The following DNAH14 variants were observed in gnomAD, a reference collection of about 807,000 sequenced individuals.
DNAH14 encodes the protein axonemal beta dynein heavy chain 14.
Under a neutral mutation model 520.9 loss-of-function variants are expected in DNAH14, and 478 were observed. The ratio of observed to expected loss-of-function variants is 0.92; its 90% CI spans 0.85 to 0.99. The LOEUF (loss-of-function observed/expected upper bound fraction) is 0.99. DNAH14 is among the 50% of genes least tolerant of loss of function. DNAH14 has a pLI of 0.00. For synonymous variants in DNAH14, 1,581 were observed against 1,757.2 expected, an observed-to-expected ratio of 0.90 and a Z score of 2.51; for missense variants, 4,831 against 5,234.5, an observed-to-expected ratio of 0.92 and a Z score of 2.38.
At chr1:224,986,550 A>G (rs2062658285) in intron 8 of DNAH14, among the ~76,000 whole-genome samples, 2 of 152,220 alleles carry the variant, frequency 1.3e-5, no homozygotes, top group Non-Finnish European at 2.9e-5. Flanking sequence ...GTGAAACATT[A>G]TATCAACAGA....
chr1:224,934,637 T>C (rs905832433), intron 1 of DNAH14, among the ~76,000 whole-genome samples: 1 of 151,560 alleles, frequency 6.6e-6, no homozygotes, highest in Non-Finnish European at 1.5e-5. Context: ...AGATAAAAAC[T>C]TCCCAAGTCT....
intron 41 of DNAH14, among the ~76,000 whole-genome samples, chr1:225,209,997 G>A (rs765543808): frequency 2.6e-5 from 4 of 152,092 alleles, no homozygotes; most frequent in Non-Finnish European, 2.9e-5. Flanking sequence ...CATGGTCTTC[G>A]CAACCTGCAG....
At chr1:225,260,701 A>AT (rs2092907302) in intron 46 of DNAH14, among the ~76,000 whole-genome samples, 1 of 151,992 alleles carries the variant, frequency 6.6e-6, no homozygotes, top group South Asian at 2.1e-4. Context: ...TTTGGTAGAG[A>AT]TTGCATTGAA....
chr1:225,351,122 G>A (rs931103004), intron 71 of DNAH14, among the ~76,000 whole-genome samples: 1 of 152,176 alleles, frequency 6.6e-6, no homozygotes, highest in African/African-American at 2.4e-5. Context: ...GGTTAAGATT[G>A]GCTGGGTGCA....
chr1:225,138,543 A>G (rs1012586472), intron 27 of DNAH14, among the ~76,000 whole-genome samples: 3 of 152,162 alleles, frequency 2.0e-5, no homozygotes, highest in African/African-American at 4.8e-5. Flanking sequence ...GGGCTGGAGC[A>G]TGCAAAACTC....
At position 225,303,281 on chromosome 1, in the gene DNAH14, A is replaced by G. The variant is rs2094174435; in HGVS notation, c.8757A>G (p.Pro2919=). 1.9e-6 allele frequency: 3 copies of G among 1,551,544 alleles called. No homozygotes were observed. Among genetic ancestry groups the G allele is most frequent in the South Asian group, 1.2e-5 (1 of 84,012 alleles). The change falls in exon 57 of 86, where the codon CCA becomes CCG. Residue 2919 remains proline, a synonymous_variant. Coordinates refer to ENST00000682510, the MANE Select transcript of DNAH14 (RefSeq NM_001367479.1). ...SCTIDWYERW[P]EEALLIVANS... ...CGATCGATTGGTATGAGAGGTGGCC[A>G]GAAGAAGCTCTCCTTATTGTAGCTA...
At chr1:225,384,926 A>G (rs2095823173) in intron 81 of DNAH14, among the ~76,000 whole-genome samples, 1 of 152,228 alleles carries the variant, frequency 6.6e-6, no homozygotes, top group Admixed American at 6.5e-5. Context: ...ACACAACAAA[A>G]AAAGAGAATT....
chr1:225,388,391 A>C lies in DNAH14; in HGVS notation c.13090A>C (p.Arg4364=), dbSNP rs947727758. 1.3e-6 allele frequency: 2 copies of C among 1,519,782 alleles called. No homozygotes were observed. The highest frequency in any genetic ancestry group is 2.8e-5 in the African/African-American group (2 of 72,650). The allele number at this position is 1,519,782 out of a possible 1,614,324, so 94.1% of individuals were successfully genotyped here. The change falls in exon 82 of 86, where the codon AGA becomes CGA. Residue 4364 remains arginine, a synonymous_variant. Coordinates refer to ENST00000682510, the MANE Select transcript of DNAH14 (RefSeq NM_001367479.1). ...TAAATCCCAACAGAAACACGCCTAC[A>C]GATCTTGTAAGCCACTGAGTTCCTG... ...VPTLWQKHAY[R]SCKPLSSWID...
chr1:225,049,218 C>T (rs1162783817), intron 15 of DNAH14, among the ~76,000 whole-genome samples: 1 of 151,802 alleles, frequency 6.6e-6, no homozygotes, highest in East Asian at 1.9e-4. Context: ...CACCACCACG[C>T]CCAGCTAATT....
chr1:224,951,509 T>A (rs2060168294), intron 1 of DNAH14, among the ~76,000 whole-genome samples: 1 of 152,080 alleles, frequency 6.6e-6, no homozygotes, highest in Admixed American at 6.6e-5. Flanking sequence ...CAGTGAATGA[T>A]CCTTCTGTGG....
At chr1:225,274,192 C>CTGTTTTTT (rs1439174308) in intron 52 of DNAH14, among the ~76,000 whole-genome samples, 1 of 128,370 alleles carries the variant, frequency 7.8e-6, no homozygotes, top group Non-Finnish European at 1.6e-5. Context: ...TCACCAGCAT[C>CTGTTTTTT]TGTTATTTTT....
At chr1:225,078,615 A>C (rs1380614919) in intron 17 of DNAH14, among the ~76,000 whole-genome samples, 1 of 152,066 alleles carries the variant, frequency 6.6e-6, no homozygotes, top group Non-Finnish European at 1.5e-5. Flanking sequence ...TCCCCAACCA[A>C]ATCTCATGTC....
chr1:224,976,864 A>G (rs111676659), intron 8 of DNAH14, among the ~76,000 whole-genome samples: 6,299 of 151,786 alleles, frequency 0.041, 213 homozygotes, highest in Non-Finnish European at 0.061. Flanking sequence ...ATGTGGAGAA[A>G]TAGGAACACT....
chr1:225,245,526 A>G (rs927206600), intron 43 of DNAH14, among the ~76,000 whole-genome samples: 6 of 152,104 alleles, frequency 3.9e-5, no homozygotes, highest in African/African-American at 1.4e-4. Flanking sequence ...GTGCAAAATC[A>G]CAAGCATTCC....
At chr1:225,127,839 G>C (rs1262148757) in intron 27 of DNAH14, among the ~76,000 whole-genome samples, 5 of 152,156 alleles carry the variant, frequency 3.3e-5, no homozygotes, top group Admixed American at 3.3e-4. Flanking sequence ...TTTTGCAGCG[G>C]CTGGTAACAG....
intron 83 of DNAH14, 134 bp downstream of exon 83, chr1:225,390,007 T>C (rs988735842): frequency 2.6e-6 from 2 of 769,248 alleles, no homozygotes; most frequent in African/African-American, 3.5e-5. Flanking sequence ...GGGTCTCTAG[T>C]GTGCACCAGA....
In DNAH14 at chr1:225,346,514, C is replaced by G; in HGVS notation, c.11156C>G (p.Thr3719Ser). 6.4e-7 allele frequency: 1 copy of G among 1,551,118 alleles called. No homozygotes were observed. Among genetic ancestry groups the G allele is most frequent in the Non-Finnish European group, 8.7e-7 (1 of 1,146,664 alleles). ...DKLCFSFRLC[T>S]VIMQNNANGN... ...CTTTGCTTCTCTTTTCGGCTTTGCACTGTAATCATGCAAAACAATGCTAAT... is the reference window on the plus strand; with the variant it reads ...CTTTGCTTCTCTTTTCGGCTTTGCAGTGTAATCATGCAAAACAATGCTAAT... The change falls in exon 71 of 86, where the codon ACT becomes AGT. Residue 3719 changes from threonine (T) to serine (S), a missense_variant. Physicochemically the swap from Thr to Ser is moderately conservative, Grantham distance 58. Transcript: ENST00000682510.
In DNAH14 at chr1:225,335,994, TATGCATATATGTATAC is replaced by T. The variant is rs1255637468; in HGVS notation, c.10081-1271_10081-1256del. The stretch of plus-strand genomic sequence containing the variant: ...ATGTACATATGTGTATATACACACA[TATGCATATATGTATAC>T]GCATATATGCATATATGTATATACA... On this transcript the variant is annotated intron_variant, in intron 66 of 85. Transcript: ENST00000682510. Among the ~76,000 whole-genome samples, 9 of 121,302 alleles carry T rather than the reference TATGCATATATGTATAC, an allele frequency of 7.4e-5. 1 individual carries two copies. The highest frequency in any genetic ancestry group is 2.5e-4 in the South Asian group (1 of 4,004). The allele number at this position is 121,302 out of a possible 152,430, so 79.6% of individuals were successfully genotyped here.
At chr1:224,986,607 G>T (rs1347306801) in intron 8 of DNAH14, among the ~76,000 whole-genome samples, 3 of 152,064 alleles carry the variant, frequency 2.0e-5, no homozygotes, top group Admixed American at 1.3e-4. Context: ...GCTGAAAAAG[G>T]ATTTGATAAA....
Sources: gnomAD v4.1 joint callset for allele counts (sites outside exome capture counted in the v4.1 genomes callset) on GRCh38, gnomAD v4.1.1 for gene constraint, MANE v1.5 for transcripts, NCBI Gene and HGNC (gene_info 2026-07-23, HGNC 2026-07-21) for gene names.